The following MEIG1 variants were observed in gnomAD, a reference collection of about 807,000 sequenced individuals.
MEIG1 encodes meiosis/spermiogenesis associated 1.
A neutral mutation model predicts 11.3 loss-of-function variants in MEIG1; 12 were observed. That is an observed-to-expected ratio of 1.07 (90% CI 0.68 to 1.73). The LOEUF (loss-of-function observed/expected upper bound fraction) is 1.73, where lower values mean the gene tolerates loss of function less well. Among genes scored for constraint, MEIG1 ranks in the 40% most tolerant of loss-of-function variants. MEIG1 has a pLI of 0.00. For synonymous variants in MEIG1, 41 were observed against 33.2 expected (o/e 1.24, Z -0.81); for missense variants, 119 against 104.9 (o/e 1.13, Z -0.59).
intron 1 of MEIG1, among the ~76,000 whole-genome samples, chr10:14,964,612 CA>C: frequency 8.1e-6 from 1 of 123,202 alleles, no homozygotes; most frequent in African/African-American, 3.2e-5. Context: ...TATATATACA[CA>C]CACACACACA....
chr10:14,966,055 T>C lies in MEIG1; in HGVS notation c.-29-385T>C, dbSNP rs955366623. Among the ~76,000 whole-genome samples the C allele has an allele frequency of 2.4e-5, 3 of 124,106 alleles. 1 individual carries two copies. Among genetic ancestry groups the C allele is most frequent in the Middle Eastern group, 7.5e-3 (2 of 266 alleles). The allele number at this position is 124,106 out of a possible 152,430, so 81.4% of individuals were successfully genotyped here. On this transcript the variant is annotated intron_variant, in intron 1 of 2. Coordinates refer to ENST00000407572, the MANE Select transcript of MEIG1 (RefSeq NM_001080836.3). ...TCTAAGTATAATTTTTAAGTGTTAG[T>C]TTTATTTATTCTTTTTTTTTTTTTT...
chr10:14,976,096 C>G (rs996456617), downstream of MEIG1, among the ~76,000 whole-genome samples: 3 of 152,122 alleles, frequency 2.0e-5, no homozygotes, highest in African/African-American at 7.2e-5. Flanking sequence ...GCGTCCGCCC[C>G]CTTGCGACGG....
At chr10:14,962,767 T>G (rs1250045181) in intron 1 of MEIG1, among the ~76,000 whole-genome samples, 4 of 152,094 alleles carry the variant, frequency 2.6e-5, no homozygotes, top group African/African-American at 9.7e-5. Context: ...TTGGAATTTT[T>G]TTTTTTTTTC....
chr10:14,981,255 A>T (rs1470582391), intron 1 of MEIG1, among the ~76,000 whole-genome samples: 21 of 149,420 alleles, frequency 1.4e-4, no homozygotes, highest in Admixed American at 1.4e-3. Context: ...CAGTTCAGAA[A>T]AGTCTCCATT....
chr10:14,972,230 G>T (rs1843159372), intron 2 of MEIG1, among the ~76,000 whole-genome samples: 1 of 152,094 alleles, frequency 6.6e-6, no homozygotes, highest in South Asian at 2.1e-4. Flanking sequence ...GGCCAGGTTG[G>T]TCTTGAACTC....
chr10:14,975,404 A>G (rs535626829), downstream of MEIG1, among the ~76,000 whole-genome samples: 9 of 152,194 alleles, frequency 5.9e-5, no homozygotes, highest in East Asian at 1.7e-3. Flanking sequence ...GACTCCCAAT[A>G]TGGCAGGGGG....
At chr10:14,961,854 C>T (rs1370895784) in intron 1 of MEIG1, among the ~76,000 whole-genome samples, 2 of 151,780 alleles carry the variant, frequency 1.3e-5, no homozygotes, top group African/African-American at 4.8e-5. Flanking sequence ...GTCTCCCAGG[C>T]TGGAATGCAG....
At chr10:14,974,339 G>C (rs559172165), downstream of MEIG1, among the ~76,000 whole-genome samples, 1 of 152,250 alleles carries the variant, frequency 6.6e-6, no homozygotes, top group South Asian at 2.1e-4. Flanking sequence ...AGCCCAGGTG[G>C]GGTTGTGGGT....
Position 14,972,770 on chromosome 10 carries a change from AGC to A in MEIG1, c.*130_*131del. ...AGTTTAATGTTTTGTGAAACACAAA[AGC>A]CATGAGAATTGGTATCTGCTAATCA... On this transcript the variant is annotated 3_prime_UTR_variant, in exon 3 of 3. Coordinates refer to ENST00000407572, the MANE Select transcript of MEIG1 (RefSeq NM_001080836.3). 1.1e-6 allele frequency: 1 copy of A among 926,120 alleles called. No homozygotes were observed. The highest frequency in any genetic ancestry group is 1.6e-6 in the Non-Finnish European group (1 of 636,700). 57.4% of individuals were successfully genotyped at this position (926,120 alleles called of 1,614,324 possible).
At chr10:14,971,204 TATA>T (rs773804590) in intron 2 of MEIG1, among the ~76,000 whole-genome samples, 1 of 57,144 alleles carries the variant, frequency 1.7e-5, no homozygotes. Context: ...CTCGGCAACA[TATA>T]ATAATAATGA....
chr10:14,986,177 T>C (rs999330912), intron 1 of MEIG1, among the ~76,000 whole-genome samples: 2 of 152,098 alleles, frequency 1.3e-5, no homozygotes, highest in African/African-American at 2.4e-5. Context: ...AATACAACAT[T>C]AGCTGGGCGT....
At chr10:14,974,587 G>A (rs1281867208), downstream of MEIG1, among the ~76,000 whole-genome samples, 1 of 152,020 alleles carries the variant, frequency 6.6e-6, no homozygotes, top group Non-Finnish European at 1.5e-5. Context: ...GGCACAATGT[G>A]ACTTACCGCG....
In MEIG1 at chr10:14,982,100, G is replaced by C. The variant is rs188606463; in HGVS notation, n.67-4696G>C. ...CATGTGAATCATGCGCTGATTTTCA[G>C]GGTTATCGGGATCGAGGGGAGTATA... On this transcript the variant is annotated intron_variant and non_coding_transcript_variant, in intron 1 of 2. Coordinates refer to the MEIG1 transcript ENST00000467536. 3.1e-3 allele frequency among the ~76,000 whole-genome samples: 476 copies of C among 152,298 alleles called. 4 individuals carry two copies. The highest frequency in any genetic ancestry group is 0.011 in the African/African-American group (455 of 41,566).
chr10:14,978,355 A>G (rs1843231818), intron 1 of MEIG1, among the ~76,000 whole-genome samples: 1 of 151,996 alleles, frequency 6.6e-6, no homozygotes, highest in African/African-American at 2.4e-5. Context: ...GACTGCTAAT[A>G]TCACAGTGAT....
chr10:14,972,478 A>G (rs1843162867), intron 2 of MEIG1, 35 bp from the exon 3 acceptor site: 3 of 1,613,130 alleles, frequency 1.9e-6, no homozygotes, highest in Non-Finnish European at 2.5e-6. Flanking sequence ...TCAACCCTCC[A>G]TTGTAACGTT....
At chr10:14,957,748 C>T (rs924511372), upstream of MEIG1, among the ~76,000 whole-genome samples, 2 of 152,170 alleles carry the variant, frequency 1.3e-5, no homozygotes, top group Admixed American at 1.3e-4. Flanking sequence ...TGGGTTCAAG[C>T]GATTCTCCTG....
rs1554805988 is a variant in MEIG1, at chr10:14,966,063, A to ATTTTTTT, written c.-29-375_-29-374insTTTTTTT. On this transcript the variant is annotated intron_variant, in intron 1 of 2. Coordinates refer to ENST00000407572, the MANE Select transcript of MEIG1 (RefSeq NM_001080836.3). Reference sequence around the variant, plus strand: ...TAATTTTTAAGTGTTAGTTTTATTTATTCTTTTTTTTTTTTTTTGAGATGG... The same window carrying ATTTTTTT: ...TAATTTTTAAGTGTTAGTTTTATTTATTTTTTTTTCTTTTTTTTTTTTTTTGAGATGG... 5.2e-4 allele frequency among the ~76,000 whole-genome samples: 30 copies of ATTTTTTT among 58,040 alleles called. 1 individual carries two copies. The highest frequency in any genetic ancestry group is 1.2e-3 in the South Asian group (2 of 1,682). The allele number at this position is 58,040 out of a possible 152,430, so 38.1% of individuals were successfully genotyped here. A position where few individuals can be genotyped will look rare whatever the true frequency, so the allele number is the denominator to read the frequency against.
At chr10:14,978,029 A>AG (rs1224387387) in intron 1 of MEIG1, among the ~76,000 whole-genome samples, 4 of 151,676 alleles carry the variant, frequency 2.6e-5, no homozygotes, top group African/African-American at 9.7e-5. Context: ...GTAATATTCT[A>AG]GGGGGGTGTT....
upstream of MEIG1, among the ~76,000 whole-genome samples, chr10:14,956,900 C>G (rs1326090869): frequency 6.6e-6 from 1 of 152,084 alleles, no homozygotes; most frequent in Non-Finnish European, 1.5e-5. Flanking sequence ...ACTAAAGATG[C>G]AAAAAGAATT....
Sources: gnomAD v4.1 joint callset for allele counts (sites outside exome capture counted in the v4.1 genomes callset) on GRCh38, gnomAD v4.1.1 for gene constraint, MANE v1.5 for transcripts, NCBI Gene and HGNC (gene_info 2026-07-23, HGNC 2026-07-21) for gene names.